Variants in SPATS2L observed in about 807,000 individuals in gnomAD.
SPATS2L encodes the protein SPATS2-like protein.
In SPATS2L, 30 loss-of-function variants were observed where a neutral mutation model predicts 59.6. That is an observed-to-expected ratio of 0.50 (90% CI 0.38 to 0.68). The LOEUF (loss-of-function observed/expected upper bound fraction) is 0.68. Ranked by LOEUF, SPATS2L falls within the 30% of genes least tolerant of loss-of-function variation. The pLI is 0.00. For synonymous variants in SPATS2L, 252 were observed against 263.5 expected (o/e 0.96, Z 0.42); for missense variants, 615 against 700.0 (o/e 0.88, Z 1.37).
At chr2:200,329,379 G>C in intron 1 of SPATS2L, 52 bp from the exon 2 acceptor site, 1 of 1,428,848 alleles carries the variant, frequency 7.0e-7, no homozygotes, top group South Asian at 1.2e-5. Flanking sequence ...AATGGGTGGT[G>C]TGGCTACTAA....
intron 8 of SPATS2L, among the ~76,000 whole-genome samples, chr2:200,459,037 A>G (rs2086055837): frequency 1.3e-5 from 2 of 152,196 alleles, no homozygotes. Context: ...AAAAGGACAT[A>G]TAAGGAATTT....
At chr2:200,366,311 A>C (rs2081267039) in intron 2 of SPATS2L, among the ~76,000 whole-genome samples, 1 of 152,182 alleles carries the variant, frequency 6.6e-6, no homozygotes, top group African/African-American at 2.4e-5. Context: ...TCTGTCCTTG[A>C]TCCCAAGGGT....
At chr2:200,327,840 G>A (rs370753097) in intron 1 of SPATS2L, among the ~76,000 whole-genome samples, 11 of 149,602 alleles carry the variant, frequency 7.4e-5, no homozygotes, top group East Asian at 4.0e-4. Flanking sequence ...AATGTTTCCC[G>A]TAGAAGCAGG....
At position 200,386,037 on chromosome 2, in the gene SPATS2L, T is replaced by G. The variant is rs902423429; in HGVS notation, c.-22-3186T>G. On this transcript the variant is annotated intron_variant, in intron 2 of 12. Coordinates refer to ENST00000409140, the MANE Select transcript of SPATS2L (RefSeq NM_001100423.2). ...AAACCAAATTTATGGTCTGTTTAAA[T>G]TAGAACCTTTTAACTAGTTCCCCAT... Among the ~76,000 whole-genome samples the G allele has an allele frequency of 2.6e-5, 4 of 152,322 alleles. No individual in the cohort carries two copies. In the South Asian group the frequency reaches 8.3e-4, roughly 32 times the overall value.
At position 200,389,220 on chromosome 2, in the gene SPATS2L, T is replaced by A. The variant is rs2082094360; in HGVS notation, c.-22-3T>A. 5 of 1,554,568 alleles carry A rather than the reference T, an allele frequency of 3.2e-6. No individual in the cohort carries two copies. Among genetic ancestry groups the A allele is most frequent in the Non-Finnish European group, 4.4e-6 (5 of 1,142,576 alleles). On this transcript the variant is annotated splice_region_variant and splice_polypyrimidine_tract_variant and intron_variant, in intron 2 of 12. Transcript: ENST00000409140. ...AACTTAATCTTGTTTTCCTTCTTTA[T>A]AGGGCCTATTCCACTAGAAGCAAGA... is the stretch of plus-strand genomic sequence containing the variant.
chr2:200,346,212 A>G (rs1043046722), intron 2 of SPATS2L, among the ~76,000 whole-genome samples: 2 of 152,236 alleles, frequency 1.3e-5, no homozygotes, highest in Non-Finnish European at 2.9e-5. Flanking sequence ...TGACTTCCTA[A>G]TTCCATGACT....
rs1169167800 is a variant in SPATS2L at position 200,456,849 on chromosome 2, T to G, written c.789-2920T>G. ...ACCCAGGGACTCTATTTATAAAGCC[T>G]TCTAGTTGATTCAGGGAAGGGAATC... is the stretch of plus-strand genomic sequence containing the variant. On this transcript the variant is annotated intron_variant, in intron 8 of 12. Coordinates refer to ENST00000409140, the MANE Select transcript of SPATS2L (RefSeq NM_001100423.2). Among the ~76,000 whole-genome samples the G allele has an allele frequency of 2.2e-4, 33 of 152,176 alleles. 1 individual carries two copies. The highest frequency in any genetic ancestry group is 2.2e-3 in the Admixed American group (33 of 15,274).
At chr2:200,343,350 C>T (rs1279665030) in intron 2 of SPATS2L, among the ~76,000 whole-genome samples, 1 of 152,144 alleles carries the variant, frequency 6.6e-6, no homozygotes, top group Non-Finnish European at 1.5e-5. Flanking sequence ...ATCACCTAAT[C>T]GATTAAGGTG....
chr2:200,381,149 A>G (rs842826), intron 2 of SPATS2L, among the ~76,000 whole-genome samples: 24,334 of 152,118 alleles, frequency 0.16, 3,007 homozygotes, highest in African/African-American at 0.34. Context: ...ACCAAATCTC[A>G]GTTTTGAAGA....
chr2:200,311,834 G>A (rs919656732), intron 1 of SPATS2L, among the ~76,000 whole-genome samples: 4 of 152,182 alleles, frequency 2.6e-5, no homozygotes, highest in East Asian at 1.9e-4. Flanking sequence ...AAAATCTGTT[G>A]GGGAGTGGAG....
At chr2:200,414,474 T>G (rs2082989696) in intron 4 of SPATS2L, among the ~76,000 whole-genome samples, 1 of 151,960 alleles carries the variant, frequency 6.6e-6, no homozygotes, top group Non-Finnish European at 1.5e-5. Context: ...CAATTTTTTG[T>G]TTTTAATTAG....
intron 2 of SPATS2L, among the ~76,000 whole-genome samples, chr2:200,343,149 A>G (rs2080389035): frequency 6.6e-6 from 1 of 152,172 alleles, no homozygotes. Flanking sequence ...TGATGCATGT[A>G]ATCAGAGCAC....
chr2:200,408,818 CAGAG>C (rs2082775718), intron 3 of SPATS2L, among the ~76,000 whole-genome samples: 1 of 152,224 alleles, frequency 6.6e-6, no homozygotes. Flanking sequence ...AGGGAAGCCC[CAGAG>C]AGAGGAGAGG....
At chr2:200,326,673 A>G (rs1480358023) in intron 1 of SPATS2L, among the ~76,000 whole-genome samples, 1 of 152,176 alleles carries the variant, frequency 6.6e-6, no homozygotes, top group Non-Finnish European at 1.5e-5. Flanking sequence ...GAAACATAGT[A>G]AAGACAGTAT....
At chr2:200,374,762 A>C (rs296780) in intron 2 of SPATS2L, among the ~76,000 whole-genome samples, 1 of 152,070 alleles carries the variant, frequency 6.6e-6, no homozygotes, top group Admixed American at 6.5e-5. Flanking sequence ...AGATGGACCT[A>C]TTTCACCAAA....
intron 9 of SPATS2L, among the ~76,000 whole-genome samples, chr2:200,460,526 A>G (rs1281792072): frequency 6.6e-6 from 1 of 152,086 alleles, no homozygotes; most frequent in Non-Finnish European, 1.5e-5. Context: ...CAGGCAGATC[A>G]CAAGGTCAGG....
At position 200,411,434 on chromosome 2, in the gene SPATS2L, G is replaced by A. The variant is rs182236745; in HGVS notation, c.40-877G>A. Reference sequence around the variant, plus strand: ...ATGCTGATGAAAACATTTGAAGACCGTACAGTGCTTTAATGATCACTTACC... The same window carrying A: ...ATGCTGATGAAAACATTTGAAGACCATACAGTGCTTTAATGATCACTTACC... On this transcript the variant is annotated intron_variant, in intron 3 of 12. Transcript: ENST00000409140. 1.2e-3 allele frequency among the ~76,000 whole-genome samples: 186 copies of A among 152,248 alleles called. 1 individual carries two copies. The highest frequency in any genetic ancestry group is 2.0e-3 in the Non-Finnish European group (136 of 68,016).
intron 3 of SPATS2L, among the ~76,000 whole-genome samples, chr2:200,396,279 G>C (rs1345403402): frequency 1.3e-5 from 2 of 151,546 alleles, no homozygotes; most frequent in Non-Finnish European, 2.9e-5. Flanking sequence ...ATAGCTTTTA[G>C]AACTGTTACA....
At chr2:200,350,734 C>T (rs1323889654) in intron 2 of SPATS2L, among the ~76,000 whole-genome samples, 2 of 151,998 alleles carry the variant, frequency 1.3e-5, no homozygotes, top group Non-Finnish European at 2.9e-5. Context: ...GGCGTTTCAC[C>T]ATGTTGGCCA....
Sources: allele counts gnomAD v4.1 joint callset (sites outside exome capture counted in the v4.1 genomes callset), GRCh38; gene constraint gnomAD v4.1.1; transcripts MANE v1.5; gene names NCBI Gene and HGNC (gene_info 2026-07-23, HGNC 2026-07-21).